The following FOXP1 variants were observed in gnomAD, a reference collection of about 807,000 sequenced individuals.
FOXP1 encodes the protein forkhead box protein P1.
FOXP1 carries 15 observed loss-of-function variants against 98.2 expected under a neutral mutation model. That is an observed-to-expected ratio of 0.15 (90% CI 0.10 to 0.24). The LOEUF is 0.24. Ranked by LOEUF, FOXP1 falls within the 10% of genes least tolerant of loss-of-function variation. The pLI is 1.00. For synonymous variants in FOXP1, 371 were observed against 314.5 expected, an observed-to-expected ratio of 1.18 and a Z score of -1.90; for missense variants, 633 against 848.5, an observed-to-expected ratio of 0.75 and a Z score of 3.15.
chr3:71,167,408 T>C (rs2061443153), intron 6 of FOXP1, among the ~76,000 whole-genome samples: 1 of 152,196 alleles, frequency 6.6e-6, no homozygotes, highest in Non-Finnish European at 1.5e-5. Context: ...AATCCTTTAA[T>C]AACAGGGCAG....
chr3:71,410,881 T>G (rs2082677342), intron 3 of FOXP1, among the ~76,000 whole-genome samples: 1 of 152,254 alleles, frequency 6.6e-6, no homozygotes, highest in Non-Finnish European at 1.5e-5. Context: ...GGCTGGTATT[T>G]GTCTATTTCC....
At chr3:71,581,349 A>G (rs2048151325) in intron 2 of FOXP1, 200 bp downstream of exon 2, 1 of 985,336 alleles carries the variant, frequency 1.0e-6, no homozygotes, top group Admixed American at 6.1e-5. Context: ...TAGGAAAGAA[A>G]GAGGGGAAAA....
At chr3:70,992,972 C>T (rs143082524) in intron 13 of FOXP1, among the ~76,000 whole-genome samples, 3 of 152,146 alleles carry the variant, frequency 2.0e-5, no homozygotes, top group East Asian at 3.9e-4. Flanking sequence ...TCTGTGAGGC[C>T]GCTAGTATAG....
chr3:71,405,607 T>C (rs905813242), intron 3 of FOXP1, among the ~76,000 whole-genome samples: 25 of 152,210 alleles, frequency 1.6e-4, no homozygotes, highest in African/African-American at 5.8e-4. Flanking sequence ...GAGTTCCACG[T>C]TCCCAGCTGC....
chr3:71,570,341 GA>G (rs2047241816), intron 2 of FOXP1: 1 of 150,554 alleles, frequency 6.6e-6, no homozygotes, highest in Non-Finnish European at 1.5e-5. Flanking sequence ...GGATTATTTT[GA>G]AAACTTTTTT....
At chr3:71,482,172 T>C (rs1309393113) in intron 3 of FOXP1, among the ~76,000 whole-genome samples, 1 of 152,064 alleles carries the variant, frequency 6.6e-6, no homozygotes, top group Non-Finnish European at 1.5e-5. Context: ...CTACTTCTAA[T>C]CCTTCAATAC....
At chr3:71,081,063 C>G (rs897488217) in intron 7 of FOXP1, among the ~76,000 whole-genome samples, 1 of 152,194 alleles carries the variant, frequency 6.6e-6, no homozygotes, top group South Asian at 2.1e-4. Flanking sequence ...CAACCTCCGA[C>G]TAAACTAATT....
chr3:71,543,430 C>G (rs1443932305), intron 2 of FOXP1: 1 of 152,466 alleles, frequency 6.6e-6, no homozygotes, highest in Non-Finnish European at 1.5e-5. Context: ...CAACCTCTGG[C>G]TGTTAGCAGT....
At chr3:71,284,224 T>C (rs192838278) in intron 5 of FOXP1, among the ~76,000 whole-genome samples, 18 of 152,244 alleles carry the variant, frequency 1.2e-4, no homozygotes, top group Admixed American at 1.1e-3. Flanking sequence ...TAACTGTTCT[T>C]CTACTGATTT....
intron 3 of FOXP1, among the ~76,000 whole-genome samples, chr3:71,491,453 C>A (rs1302381273): frequency 6.6e-6 from 1 of 152,132 alleles, no homozygotes; most frequent in Non-Finnish European, 1.5e-5. Context: ...CCAAGGCCAC[C>A]CAGTAAAAAG....
intron 6 of FOXP1, among the ~76,000 whole-genome samples, chr3:71,162,611 T>C (rs1298172929): frequency 2.0e-5 from 3 of 152,190 alleles, no homozygotes; most frequent in African/African-American, 7.2e-5. Flanking sequence ...GGAACTTACA[T>C]TCAGTGGCAA....
intron 2 of FOXP1, among the ~76,000 whole-genome samples, chr3:71,534,021 A>G (rs1300511857): frequency 6.6e-6 from 1 of 152,216 alleles, no homozygotes; most frequent in Non-Finnish European, 1.5e-5. Context: ...AGAACCCGTA[A>G]GTAGACCAAA....
chr3:71,084,089 T>C (rs2054751421), intron 7 of FOXP1, among the ~76,000 whole-genome samples: 1 of 152,150 alleles, frequency 6.6e-6, no homozygotes, highest in East Asian at 1.9e-4. Context: ...GTCCCAGCCA[T>C]GCACCATTCA....
intron 5 of FOXP1, among the ~76,000 whole-genome samples, chr3:71,253,196 G>A (rs914410719): frequency 6.6e-6 from 1 of 152,178 alleles, no homozygotes; most frequent in Non-Finnish European, 1.5e-5. Context: ...TTAAACAGAA[G>A]TCACTTAGAA....
At position 71,459,955 on chromosome 3, in the gene FOXP1, A is replaced by G. The variant is rs193204309; in HGVS notation, c.-168+33471T>C. ...TCTTTTTTTTTTTTCTTTTTTTAAG[A>G]TGGAGTCTCACTCTGTCACCCAGGC... On this transcript the variant is annotated intron_variant, in intron 3 of 20. Transcript: ENST00000649528. Among the ~76,000 whole-genome samples the G allele has an allele frequency of 7.6e-3, 1,127 of 148,522 alleles. 17 individuals are homozygous for G. The highest frequency in any genetic ancestry group is 0.027 in the African/African-American group (1,086 of 40,624).
intron 4 of FOXP1, among the ~76,000 whole-genome samples, chr3:71,341,822 T>A (rs1665562424): frequency 6.6e-6 from 1 of 152,246 alleles, no homozygotes; most frequent in Non-Finnish European, 1.5e-5. Flanking sequence ...ACTGAACGAC[T>A]TCTACAGCAA....
intron 6 of FOXP1, among the ~76,000 whole-genome samples, chr3:71,193,826 G>A (rs2063146902): frequency 6.6e-6 from 1 of 152,036 alleles, no homozygotes; most frequent in South Asian, 2.1e-4. Context: ...TTGCGTTCTG[G>A]GAAATGACTA....
At chr3:71,349,698 TG>T (rs1211561326) in intron 4 of FOXP1, among the ~76,000 whole-genome samples, 3 of 152,142 alleles carry the variant, frequency 2.0e-5, no homozygotes, top group Non-Finnish European at 2.9e-5. Flanking sequence ...AGTAGCTAAA[TG>T]GACATAACTA....
Position 71,108,044 on chromosome 3 carries a change from T to TGGAAGGAAGGGCATGGGCA in FOXP1, c.282+4473_282+4491dup, listed in dbSNP as rs369685508. Among the ~76,000 whole-genome samples the TGGAAGGAAGGGCATGGGCA allele has an allele frequency of 2.2e-4, 33 of 152,280 alleles. No homozygotes were observed. The Middle Eastern group carries it at 0.01, about 47-fold the overall frequency. ...AAGGGGCTCACACATGACATCACCTTGGAAGGAAGGGCATGGGCAGGAAGG... is the reference window on the plus strand; with the variant it reads ...AAGGGGCTCACACATGACATCACCTTGGAAGGAAGGGCATGGGCAGGAAGGAAGGGCATGGGCAGGAAGG... On this transcript the variant is annotated intron_variant, in intron 7 of 20. Coordinates refer to ENST00000649528, the MANE Select transcript of FOXP1 (RefSeq NM_001349338.3).
Sources: allele counts gnomAD v4.1 joint callset (sites outside exome capture counted in the v4.1 genomes callset), GRCh38; gene constraint gnomAD v4.1.1; transcripts MANE v1.5; gene names NCBI Gene and HGNC (gene_info 2026-07-23, HGNC 2026-07-21).